The following RNF144A variants were observed in gnomAD, a reference collection of about 807,000 sequenced individuals.
RNF144A encodes the protein ring finger protein 144A.
Under a neutral mutation model 38.7 loss-of-function variants are expected in RNF144A, and 11 were observed. The ratio of observed to expected loss-of-function variants is 0.28; its 90% confidence interval spans 0.18 to 0.47. The LOEUF is 0.47. RNF144A is among the 20% of genes least tolerant of loss of function. The pLI is 0.99. For missense variants in RNF144A, 316 were observed against 377.2 expected (o/e 0.84, Z 1.34); for synonymous variants, 149 against 143.9 (o/e 1.04, Z -0.25).
chr2:7,039,559 G>GT (rs1463670022), intron 8 of RNF144A, 70 bp from the exon 9 acceptor site: 47 of 1,583,326 alleles, frequency 3.0e-5, no homozygotes, highest in Non-Finnish European at 4.0e-5. Flanking sequence ...TGGTTGTGTG[G>GT]TTTACACTTT....
At chr2:6,945,288 A>C (rs1256518073) in intron 2 of RNF144A, among the ~76,000 whole-genome samples, 1 of 152,240 alleles carries the variant, frequency 6.6e-6, no homozygotes, top group African/African-American at 2.4e-5. Context: ...TATTTTTAGA[A>C]ATGGAAACAG....
At chr2:6,998,307 A>G (rs1231384294) in intron 3 of RNF144A, among the ~76,000 whole-genome samples, 1 of 152,208 alleles carries the variant, frequency 6.6e-6, no homozygotes, top group Non-Finnish European at 1.5e-5. Flanking sequence ...ACACTGATGC[A>G]TTCATCTTTC....
At chr2:6,961,057 GTCTT>G (rs1667300930) in intron 2 of RNF144A, among the ~76,000 whole-genome samples, 1 of 151,912 alleles carries the variant, frequency 6.6e-6, no homozygotes, top group Non-Finnish European at 1.5e-5. Context: ...TCCTCTGGAT[GTCTT>G]TCTTGTACTT....
At chr2:7,068,744 A>G (rs1022138882), downstream of RNF144A, among the ~76,000 whole-genome samples, 2 of 152,342 alleles carry the variant, frequency 1.3e-5, no homozygotes, top group East Asian at 3.9e-4. Context: ...TGAGATTTCA[A>G]GTTCTAAGAG....
intron 6 of RNF144A, among the ~76,000 whole-genome samples, chr2:7,058,871 G>A (rs1218669511): frequency 6.6e-6 from 1 of 151,876 alleles, no homozygotes; most frequent in Admixed American, 6.6e-5. Flanking sequence ...GCATTTTGCC[G>A]ACCGTATACC....
chr2:7,047,738 G>A (rs1673366197), downstream of RNF144A, among the ~76,000 whole-genome samples: 1 of 152,236 alleles, frequency 6.6e-6, no homozygotes, highest in Non-Finnish European at 1.5e-5. Flanking sequence ...ACTGTAGTTG[G>A]AAGAAATCCC....
rs1215878050 is a variant in RNF144A, at chr2:6,958,870, CTATT to C, written c.-12+17724_-12+17727del. ...GGCCCTGCTGAAAGGAGCTTGGACA[CTATT>C]CCAAAGCTTCTCTTTTACCCAATGG... On this transcript the variant is annotated intron_variant, in intron 2 of 8. Transcript: ENST00000320892. The surrounding 1 kb of genome is among the most constrained non-coding windows in gnomAD (Gnocchi z 4.5). Among the ~76,000 whole-genome samples, 1 of 152,168 alleles carries C rather than the reference CTATT, an allele frequency of 6.6e-6. No homozygotes were observed.
chr2:7,009,251 T>C (rs1160017031), intron 3 of RNF144A, among the ~76,000 whole-genome samples: 1 of 152,212 alleles, frequency 6.6e-6, no homozygotes, highest in African/African-American at 2.4e-5. Context: ...TTACTTTATA[T>C]AGGGCAAAAT....
At chr2:6,925,864 G>A (rs1411466777) in intron 1 of RNF144A, among the ~76,000 whole-genome samples, 2 of 152,132 alleles carry the variant, frequency 1.3e-5, no homozygotes, top group Non-Finnish European at 2.9e-5. Context: ...CAACACACAC[G>A]TGTGCGCACA....
Position 6,976,302 on chromosome 2 carries a change from G to A in RNF144A, c.-11-20614G>A, listed in dbSNP as rs1668309833. 2.6e-5 allele frequency among the ~76,000 whole-genome samples: 4 copies of A among 152,212 alleles called. No individual in the cohort carries two copies. In the South Asian group the frequency reaches 6.2e-4, roughly 24 times the overall value. ...TATTTGAATTTTTGCCAACTTGATA[G>A]TTGGGGAATGGCATCTTGATATAGT... On this transcript the variant is annotated intron_variant, in intron 2 of 8. Coordinates refer to ENST00000320892, the MANE Select transcript of RNF144A (RefSeq NM_014746.6).
At chr2:6,945,061 G>A (rs572673132) in intron 2 of RNF144A, among the ~76,000 whole-genome samples, 8 of 152,356 alleles carry the variant, frequency 5.3e-5, no homozygotes, top group African/African-American at 1.7e-4. Flanking sequence ...AAAAGAAATT[G>A]TTGGTTAAAA....
intron 1 of RNF144A, among the ~76,000 whole-genome samples, chr2:6,931,375 A>G (rs1158107320): frequency 6.6e-6 from 1 of 152,200 alleles, no homozygotes; most frequent in Non-Finnish European, 1.5e-5. Flanking sequence ...TCAAAGGAAA[A>G]CCTTGAAGGC....
chr2:6,961,110 T>C (rs569998566), intron 2 of RNF144A, among the ~76,000 whole-genome samples: 25 of 152,236 alleles, frequency 1.6e-4, no homozygotes, highest in African/African-American at 5.5e-4. Flanking sequence ...TAGTGTAATT[T>C]CTCTTTAAAA....
At chr2:7,067,536 T>C (rs1441455191) in intron 6 of RNF144A, among the ~76,000 whole-genome samples, 1 of 152,084 alleles carries the variant, frequency 6.6e-6, no homozygotes, top group Non-Finnish European at 1.5e-5. Context: ...TTCCGACTAT[T>C]AAAAAAATCC....
At chr2:7,054,841 G>A (rs574937783) in intron 6 of RNF144A, among the ~76,000 whole-genome samples, 26 of 152,146 alleles carry the variant, frequency 1.7e-4, no homozygotes, top group South Asian at 4.1e-4. Flanking sequence ...TGTTATAGCC[G>A]TACAAGCAGA....
In RNF144A at chr2:7,040,101, C is replaced by G. The variant is rs750654813; in HGVS notation, c.*341C>G. 76 of 1,033,212 alleles carry G rather than the reference C, an allele frequency of 7.4e-5. No homozygotes were observed. The highest frequency in any genetic ancestry group is 8.6e-5 in the Non-Finnish European group (74 of 861,208). 64.0% of individuals were successfully genotyped at this position (1,033,212 alleles called of 1,614,324 possible). A position where few individuals can be genotyped will look rare whatever the true frequency, so the allele number is the denominator to read the frequency against. The stretch of plus-strand genomic sequence containing the variant: ...GCCTAAGAGACTTTCTGCTCCTTGG[C>G]TTCTAGATGGCACCATGTTGTCAGA... On this transcript the variant is annotated 3_prime_UTR_variant, in exon 9 of 9. Coordinates refer to ENST00000320892, the MANE Select transcript of RNF144A (RefSeq NM_014746.6).
At chr2:6,990,828 T>C (rs1254031289) in intron 2 of RNF144A, among the ~76,000 whole-genome samples, 4 of 152,224 alleles carry the variant, frequency 2.6e-5, no homozygotes, top group Admixed American at 2.6e-4. Context: ...ATATTCTCTG[T>C]GCTCTGCCCA....
At chr2:6,981,854 G>T (rs1292632933) in intron 2 of RNF144A, among the ~76,000 whole-genome samples, 2 of 152,152 alleles carry the variant, frequency 1.3e-5, no homozygotes, top group Non-Finnish European at 2.9e-5. Context: ...GATACTACCG[G>T]CCCACAGGTA....
At position 7,042,907 on chromosome 2, in the gene RNF144A, C is replaced by T; in HGVS notation, c.*3147C>T. 1.1e-6 allele frequency: 1 copy of T among 951,766 alleles called. No individual in the cohort carries two copies. Among genetic ancestry groups the T allele is most frequent in the Non-Finnish European group, 1.3e-6 (1 of 799,500 alleles). 59.0% of individuals were successfully genotyped at this position (951,766 alleles called of 1,614,324 possible). On this transcript the variant is annotated 3_prime_UTR_variant, in exon 9 of 9. Coordinates refer to ENST00000320892, the MANE Select transcript of RNF144A (RefSeq NM_014746.6). The stretch of plus-strand genomic sequence containing the variant: ...TTTGAGACGGAGTTTCGCTTTTGTC[C>T]CCCAAGCTGGAGTACAATGACAGGA...
Sources: gnomAD v4.1 joint callset for allele counts (sites outside exome capture counted in the v4.1 genomes callset) on GRCh38, gnomAD v4.1.1 for gene constraint, Gnocchi (gnomAD v3.1) non-coding constraint, MANE v1.5 for transcripts, NCBI Gene and HGNC (gene_info 2026-07-23, HGNC 2026-07-21) for gene names.